Variants in SCUBE2 observed in about 807,000 individuals in gnomAD.
SCUBE2 encodes signal peptide, CUB domain and EGF like domain containing 2.
Under a neutral mutation model 125.9 loss-of-function variants are expected in SCUBE2, and 114 were observed. The ratio of observed to expected loss-of-function variants is 0.91; its 90% CI spans 0.78 to 1.06. The LOEUF is 1.06. SCUBE2 is among the 50% of genes least tolerant of loss of function. The pLI is 0.00. For synonymous variants in SCUBE2, 459 were observed against 492.9 expected (o/e 0.93, Z 0.91); for missense variants, 1,255 against 1,301.8 (o/e 0.96, Z 0.55).
chr11:9,074,722 T>C (rs1861082306), intron 3 of SCUBE2, 107 bp from the exon 4 acceptor site: 2 of 1,268,300 alleles, frequency 1.6e-6, no homozygotes, highest in Non-Finnish European at 2.2e-6. Flanking sequence ...CCTCTTCACG[T>C]CCCTGCACCA....
chr11:9,090,616 G>A (rs1472468375), intron 1 of SCUBE2, among the ~76,000 whole-genome samples: 1 of 151,840 alleles, frequency 6.6e-6, no homozygotes, highest in Non-Finnish European at 1.5e-5. Context: ...GTATTTATGG[G>A]AAGTCTGCCC....
intron 9 of SCUBE2, among the ~76,000 whole-genome samples, chr11:9,058,808 A>C (rs901090500): frequency 6.6e-6 from 1 of 152,000 alleles, no homozygotes; most frequent in Non-Finnish European, 1.5e-5. Context: ...AAATAATTAA[A>C]AAATTAAAAA....
Position 9,079,416 on chromosome 11 carries a change from A to C in SCUBE2, c.350T>G (p.Phe117Cys), listed in dbSNP as rs762009967. Reference sequence around the variant, plus strand: ...ATTATGACCGTCATGAGCCAACATGAAGCCATCAAAACAAGTGCAACGATA... The same window carrying C: ...ATTATGACCGTCATGAGCCAACATGCAGCCATCAAAACAAGTGCAACGATA... ...GNYRCTCFDG[F>C]MLAHDGHNCL... Residue 117 changes from phenylalanine to cysteine, a missense_variant, in exon 3 of 23, where the codon TTC becomes TGC. By Grantham distance (205) the Phe-to-Cys change is radical. Around this residue, in one of 3 missense-constraint regions of SCUBE2, gnomAD observed 362 missense variants for 323.0 expected, o/e 1.12. Transcript: ENST00000649792. 6.2e-7 allele frequency: 1 copy of C among 1,614,152 alleles called. No homozygotes were observed. The highest frequency in any genetic ancestry group is 8.5e-7 in the Non-Finnish European group (1 of 1,180,000).
In SCUBE2 at chr11:9,091,181, G is replaced by C. The variant is rs931016708; in HGVS notation, c.133+215C>G. Among the ~76,000 whole-genome samples the C allele has an allele frequency of 6.6e-5, 10 of 151,936 alleles. No homozygotes were observed. The highest frequency in any genetic ancestry group is 2.4e-4 in the African/African-American group (10 of 41,390). On this transcript the variant is annotated intron_variant, in intron 1 of 22. Coordinates refer to ENST00000649792, the MANE Select transcript of SCUBE2 (RefSeq NM_001367977.2). The surrounding 1 kb of genome is among the most constrained non-coding windows in gnomAD (Gnocchi z 8.5). ...CGGGGCGGGAACCGTCAGCAGCTCCGGGTCCGAGGCCGGGCCGAAGGACTC... is the reference window on the plus strand; with the variant it reads ...CGGGGCGGGAACCGTCAGCAGCTCCCGGTCCGAGGCCGGGCCGAAGGACTC...
intron 9 of SCUBE2, among the ~76,000 whole-genome samples, chr11:9,058,137 C>T (rs1024717755): frequency 4.6e-5 from 7 of 152,172 alleles, no homozygotes; most frequent in African/African-American, 1.7e-4. Flanking sequence ...CTCTGCCTTC[C>T]CTCTCTTCAA....
Position 9,052,449 on chromosome 11 carries a change from T to C in SCUBE2, c.1534+297A>G, listed in dbSNP as rs117603237. On this transcript the variant is annotated intron_variant, in intron 13 of 22. Coordinates refer to ENST00000649792, the MANE Select transcript of SCUBE2 (RefSeq NM_001367977.2). ...AGGCACATTCCCTGGGCCTTTGAGG[T>C]GCTCTGGAGTACAGCCTGCTGGTCC... Among the ~76,000 whole-genome samples, 133 of 152,328 alleles carry C rather than the reference T, an allele frequency of 8.7e-4. No individual in the cohort carries two copies. The East Asian group carries it at 0.02, about 23-fold the overall frequency.
At chr11:9,054,875 C>T (rs1858924460) in intron 10 of SCUBE2, among the ~76,000 whole-genome samples, 2 of 151,068 alleles carry the variant, frequency 1.3e-5, no homozygotes, top group Admixed American at 1.3e-4. Flanking sequence ...GCTGGGATTA[C>T]AGGCATGCGC....
At chr11:9,071,454 G>A (rs899703356) in intron 4 of SCUBE2, among the ~76,000 whole-genome samples, 2 of 152,216 alleles carry the variant, frequency 1.3e-5, no homozygotes, top group African/African-American at 4.8e-5. Flanking sequence ...TGGAAACGCT[G>A]ACAGCTTTTC....
chr11:9,087,979 T>C (rs1862256080), intron 2 of SCUBE2, among the ~76,000 whole-genome samples: 1 of 152,264 alleles, frequency 6.6e-6, no homozygotes, highest in South Asian at 2.1e-4. Context: ...GTCAAGGTGC[T>C]AGTAGACTGA....
At chr11:9,046,845 G>C (rs1857826290) in intron 16 of SCUBE2, among the ~76,000 whole-genome samples, 1 of 152,202 alleles carries the variant, frequency 6.6e-6, no homozygotes, top group Non-Finnish European at 1.5e-5. Context: ...AATTTGAGCT[G>C]TGGGCCTAAG....
At chr11:9,081,831 C>T (rs1455383352) in intron 2 of SCUBE2, among the ~76,000 whole-genome samples, 1 of 152,242 alleles carries the variant, frequency 6.6e-6, no homozygotes, top group African/African-American at 2.4e-5. Context: ...GCTTTCCACT[C>T]TTTTGGGTAT....
intron 16 of SCUBE2, among the ~76,000 whole-genome samples, chr11:9,036,826 C>G (rs1856789349): frequency 6.6e-6 from 1 of 152,210 alleles, no homozygotes; most frequent in Admixed American, 6.5e-5. Context: ...TTTAGAGAGA[C>G]CTCACAATAT....
chr11:9,090,425 G>A (rs1243602474), intron 1 of SCUBE2: 4 of 152,834 alleles, frequency 2.6e-5, no homozygotes, highest in Non-Finnish European at 4.4e-5. Flanking sequence ...TTTTGAATGC[G>A]GCCCAATGCA....
At chr11:9,025,258 C>A (rs75827406) in intron 21 of SCUBE2, among the ~76,000 whole-genome samples, 1 of 152,202 alleles carries the variant, frequency 6.6e-6, no homozygotes, top group Non-Finnish European at 1.5e-5. Context: ...CTAATAAAAG[C>A]CACAATCATC....
rs939448056 is a variant in SCUBE2 at position 9,048,400 on chromosome 11, G to T, written c.1640-302C>A. 3.9e-5 allele frequency among the ~76,000 whole-genome samples: 6 copies of T among 152,332 alleles called. No individual in the cohort carries two copies. In the South Asian group the frequency reaches 8.3e-4, roughly 21 times the overall value. ...GAAGACAAGAACCAGGGATTGTCTT[G>T]CATTCCTTACTGACGGTTTGCTAAC... On this transcript the variant is annotated intron_variant, in intron 14 of 22. Coordinates refer to ENST00000649792, the MANE Select transcript of SCUBE2 (RefSeq NM_001367977.2).
At chr11:9,085,429 T>A (rs1007987007) in intron 2 of SCUBE2, among the ~76,000 whole-genome samples, 1 of 152,198 alleles carries the variant, frequency 6.6e-6, no homozygotes, top group Non-Finnish European at 1.5e-5. Flanking sequence ...AAAAGTTTTT[T>A]AAAAAGAAAA....
chr11:9,080,886 C>T (rs1861583466), intron 2 of SCUBE2, among the ~76,000 whole-genome samples: 1 of 151,928 alleles, frequency 6.6e-6, no homozygotes, highest in Non-Finnish European at 1.5e-5. Context: ...AAAACTCTTA[C>T]AACTCAATAA....
intron 2 of SCUBE2, among the ~76,000 whole-genome samples, 195 bp from the exon 3 acceptor site, chr11:9,079,704 C>T (rs553217716): frequency 6.6e-6 from 1 of 152,122 alleles, no homozygotes; most frequent in African/African-American, 2.4e-5. Flanking sequence ...ACCTAAGTTT[C>T]CATAGATAGA....
intron 15 of SCUBE2, 116 bp downstream of exon 15, chr11:9,047,827 A>G: frequency 7.9e-7 from 1 of 1,262,446 alleles, no homozygotes. Context: ...GAAAAAAAAC[A>G]GGAGATACTT....
Sources: allele counts gnomAD v4.1 joint callset (sites outside exome capture counted in the v4.1 genomes callset), GRCh38; gene constraint gnomAD v4.1.1; regional missense constraint gnomAD v4.1.1; non-coding constraint Gnocchi (gnomAD v3.1); transcripts MANE v1.5; gene names NCBI Gene and HGNC (gene_info 2026-07-23, HGNC 2026-07-21).